SREBF2: variants seen among roughly 807,000 people sequenced by gnomAD.
SREBF2 encodes sterol regulatory element-binding protein 2.
SREBF2 carries 55 observed loss-of-function variants against 113.1 expected under a neutral mutation model. The ratio of observed to expected loss-of-function variants is 0.49; its 90% CI spans 0.39 to 0.61. The LOEUF (loss-of-function observed/expected upper bound fraction) is 0.61. Among genes scored for constraint, SREBF2 ranks in the 20% least tolerant of loss-of-function variants. The pLI is 0.00. For missense variants in SREBF2, 1,349 were observed against 1,487.4 expected (o/e 0.91, Z 1.53); for synonymous variants, 593 against 605.7 (o/e 0.98, Z 0.31).
At chr22:41,874,211 G>T (rs1258613121) in intron 5 of SREBF2, among the ~76,000 whole-genome samples, 192 bp downstream of exon 5, 1 of 152,132 alleles carries the variant, frequency 6.6e-6, no homozygotes, top group Non-Finnish European at 1.5e-5. Flanking sequence ...ACTGGTGAGG[G>T]TTGATAAGGC....
intron 3 of SREBF2, among the ~76,000 whole-genome samples, chr22:41,870,335 A>G (rs940134121): frequency 2.0e-5 from 3 of 152,052 alleles, no homozygotes; most frequent in Admixed American, 1.3e-4. Flanking sequence ...CTAAAAACCC[A>G]TGACCTGGCT....
chr22:41,896,806 G>GT (rs2077420472), intron 13 of SREBF2, among the ~76,000 whole-genome samples: 1 of 152,222 alleles, frequency 6.6e-6, no homozygotes, highest in South Asian at 2.1e-4. Context: ...AGGGTAGGCT[G>GT]TGGGGGATGC....
Position 41,833,248 on chromosome 22 carries a change from G to T in SREBF2, c.-23G>T. On this transcript the variant is annotated 5_prime_UTR_variant, in exon 1 of 19. Coordinates refer to ENST00000361204, the MANE Select transcript of SREBF2 (RefSeq NM_004599.4). This position sits in a 1 kb window ranked among gnomAD's most constrained non-coding sequence, Gnocchi z 4.1. ...GTCTCCCTGAGCGGGACGGCAGGGG[G>T]GGCTTCTGCGCTGAGCCGGGCGATG... is the stretch of plus-strand genomic sequence containing the variant. The T allele has an allele frequency of 6.6e-7, 1 of 1,514,030 alleles. No individual in the cohort carries two copies. The highest frequency in any genetic ancestry group is 2.1e-5 in the Admixed American group (1 of 48,100). 93.8% of individuals were successfully genotyped at this position (1,514,030 alleles called of 1,614,324 possible). A position where few individuals can be genotyped will look rare whatever the true frequency, so the allele number is the denominator to read the frequency against.
At chr22:41,878,790 C>T in intron 9 of SREBF2, 1 of 1,260,220 alleles carries the variant, frequency 7.9e-7, no homozygotes, top group Non-Finnish European at 1.1e-6. Flanking sequence ...CCCACCTCTG[C>T]AAGCTGCAGG....
intron 17 of SREBF2, 52 bp downstream of exon 17, chr22:41,903,207 G>C: frequency 5.2e-6 from 8 of 1,538,740 alleles, no homozygotes; most frequent in Non-Finnish European, 7.0e-6. Context: ...TGTGGGGCCT[G>C]AGCCCAGAAC....
At chr22:41,881,481 A>G (rs1468714085) in intron 10 of SREBF2, among the ~76,000 whole-genome samples, 2 of 152,200 alleles carry the variant, frequency 1.3e-5, no homozygotes, top group Non-Finnish European at 2.9e-5. Flanking sequence ...GAGGGTTTCA[A>G]GAAAGGTTTT....
chr22:41,859,810 T>A (rs2077009451), intron 1 of SREBF2, among the ~76,000 whole-genome samples: 1 of 123,046 alleles, frequency 8.1e-6, no homozygotes, highest in Non-Finnish European at 1.7e-5. Flanking sequence ...TTTTTTTTTT[T>A]TTTTTTTTTT....
At chr22:41,836,387 AG>A (rs1197766463) in intron 1 of SREBF2, among the ~76,000 whole-genome samples, 1 of 152,236 alleles carries the variant, frequency 6.6e-6, no homozygotes, top group Non-Finnish European at 1.5e-5. Context: ...AACAAGTAAA[AG>A]TCAGCAGTGA....
intron 12 of SREBF2, among the ~76,000 whole-genome samples, chr22:41,893,561 C>T (rs6002526): frequency 0.045 from 6,789 of 152,186 alleles, 485 homozygotes; most frequent in African/African-American, 0.15. Context: ...CATCACACAG[C>T]AATAAATTGT....
intron 16 of SREBF2, among the ~76,000 whole-genome samples, chr22:41,902,569 T>G (rs1329166991): frequency 4.6e-5 from 7 of 152,072 alleles, no homozygotes; most frequent in Non-Finnish European, 8.8e-5. Context: ...ACTTCAGGCT[T>G]TTCCTTGGTA....
In SREBF2 at chr22:41,885,022, T is replaced by G. The variant is rs960803340; in HGVS notation, c.2208+11T>G. On this transcript the variant is annotated intron_variant, in intron 11 of 18. Transcript: ENST00000361204. ...CTGGGCTTCCTGGCCGTGAGTACCC[T>G]TCGGTTCCCTTCTGTAAACCTCCCC... is the stretch of plus-strand genomic sequence containing the variant. The G allele has an allele frequency of 2.5e-6, 4 of 1,613,694 alleles. No homozygotes were observed. In the African/African-American group the frequency reaches 5.3e-5, roughly 22 times the overall value.
Position 41,878,106 on chromosome 22 carries a change from G to T in SREBF2, c.1744G>T (p.Asp582Tyr). 1 of 1,614,146 alleles carries T rather than the reference G, an allele frequency of 6.2e-7. No individual in the cohort carries two copies. Among genetic ancestry groups the T allele is most frequent in the Admixed American group, 1.7e-5 (1 of 60,028 alleles). ...CTTCTGGAGGCACCGGAAACAGGCAGATCTGGATCTCGCCAGAGTGAGTTC... is the reference window on the plus strand; with the variant it reads ...CTTCTGGAGGCACCGGAAACAGGCATATCTGGATCTCGCCAGAGTGAGTTC... ...VTFWRHRKQA[D>Y]LDLARGDFAA... is the part of the protein sequence containing the mutation. The change falls in exon 9 of 19, where the codon GAT becomes TAT. Residue 582 changes from aspartate to tyrosine, a missense_variant. Physicochemically the swap from Asp to Tyr is radical, Grantham distance 160. This residue lies in a region of SREBF2 where 699 missense variants were observed against 843.3 expected (regional missense o/e 0.83). Transcript: ENST00000361204.
At chr22:41,875,295 C>G in intron 5 of SREBF2, 42 bp from the exon 6 acceptor site, 1 of 1,542,592 alleles carries the variant, frequency 6.5e-7, no homozygotes, top group Non-Finnish European at 9.0e-7. Context: ...ACACTGTAGC[C>G]TGCACTGGTC....
intron 11 of SREBF2, among the ~76,000 whole-genome samples, chr22:41,890,210 G>A (rs996434174): frequency 6.6e-6 from 1 of 152,094 alleles, no homozygotes; most frequent in Non-Finnish European, 1.5e-5. Context: ...TCAAGCTTTG[G>A]AATCAGACTA....
chr22:41,834,536 G>A (rs2076751085), intron 1 of SREBF2: 1 of 152,708 alleles, frequency 6.5e-6, no homozygotes, highest in African/African-American at 2.4e-5. Context: ...TTGCAGGCAT[G>A]TATGATGGCT....
Position 41,833,306 on chromosome 22 carries a change from C to T in SREBF2, c.36C>T (p.Thr12=). Residue 12 remains threonine (T), a synonymous_variant, in exon 1 of 19, where the codon ACC becomes ACT. Transcript: ENST00000361204. The surrounding 1 kb of genome is among the most constrained non-coding windows in gnomAD (Gnocchi z 4.1). The part of the protein sequence containing the change: ...DDSGELGGLE[T]METLTELGDE... ...GCGGCGAGCTGGGTGGTCTGGAGAC[C>T]ATGGAGACCCTCACGGAGCTGGGCG... 2 of 1,398,036 alleles carry T rather than the reference C, an allele frequency of 1.4e-6. No homozygotes were observed. The highest frequency in any genetic ancestry group is 1.9e-6 in the Non-Finnish European group (2 of 1,055,330). 86.6% of individuals were successfully genotyped at this position (1,398,036 alleles called of 1,614,324 possible). A position where few individuals can be genotyped will look rare whatever the true frequency, so the allele number is the denominator to read the frequency against.
At chr22:41,902,442 C>T (rs1457208113) in intron 16 of SREBF2, among the ~76,000 whole-genome samples, 1 of 152,186 alleles carries the variant, frequency 6.6e-6, no homozygotes, top group African/African-American at 2.4e-5. Flanking sequence ...AAAGCCGGGT[C>T]AGTAGGCCTA....
intron 1 of SREBF2, among the ~76,000 whole-genome samples, chr22:41,861,155 T>C (rs1311003665): frequency 6.6e-6 from 1 of 152,150 alleles, no homozygotes; most frequent in Non-Finnish European, 1.5e-5. Context: ...AAGCAAGCCT[T>C]GTAGAGGAAG....
rs112214631 is a variant in SREBF2 at position 41,905,651 on chromosome 22, C to T, written c.3417C>T (p.Ala1139=). 303 of 1,581,286 alleles carry T rather than the reference C, an allele frequency of 1.9e-4. No individual in the cohort carries two copies. In the African/African-American group the frequency reaches 3.1e-3, roughly 16 times the overall value. The change falls in exon 19 of 19, where the codon GCC becomes GCT. Residue 1139 remains alanine (A), a synonymous_variant. Transcript: ENST00000361204. ...IVKLGGGTAI[A]AS is the part of the protein sequence containing the mutation. ...AGCTGGGTGGTGGCACTGCCATTGC[C>T]GCCTCCTGACCACCAGGCTCAGCCC...
Sources: gnomAD v4.1 joint callset for allele counts (sites outside exome capture counted in the v4.1 genomes callset) on GRCh38, gnomAD v4.1.1 for gene constraint, gnomAD v4.1.1 regional missense constraint, Gnocchi (gnomAD v3.1) non-coding constraint, MANE v1.5 for transcripts, NCBI Gene and HGNC (gene_info 2026-07-23, HGNC 2026-07-21) for gene names.